Variants in MYO16 observed in about 807,000 individuals in gnomAD.
MYO16 encodes myosin XVI, also known as unconventional myosin-XVI.
Under a neutral mutation model 205.3 loss-of-function variants are expected in MYO16, and 94 were observed. The observed-to-expected ratio is 0.46, with a 90% CI of 0.39 to 0.54. MYO16 has a LOEUF of 0.54. MYO16 is among the 20% of genes least tolerant of loss of function. The probability of loss-of-function intolerance (pLI) is 0.00; values close to 1 mark genes in which losing one functional copy is unlikely to be tolerated. For missense variants in MYO16, 2,315 were observed against 2,387.5 expected, an observed-to-expected ratio of 0.97 and a Z score of 0.63; for synonymous variants, 988 against 954.0, an observed-to-expected ratio of 1.04 and a Z score of -0.66.
At chr13:108,825,780 A>C (rs1403230114) in intron 9 of MYO16, among the ~76,000 whole-genome samples, 1 of 151,978 alleles carries the variant, frequency 6.6e-6, no homozygotes, top group Non-Finnish European at 1.5e-5. Context: ...CTGTATTTCT[A>C]TACACAGCAA....
chr13:109,116,452 G>A (rs1262980713), intron 28 of MYO16, among the ~76,000 whole-genome samples: 1 of 152,010 alleles, frequency 6.6e-6, no homozygotes, highest in Non-Finnish European at 1.5e-5. Context: ...CTCCTTCCCA[G>A]CCATTATCCC....
chr13:108,522,357 CT>C, the MYO16 span, among the ~76,000 whole-genome samples: 1 of 152,090 alleles, frequency 6.6e-6, no homozygotes, highest in East Asian at 1.9e-4. Context: ...TAACATGTTC[CT>C]TTTTTTCCCA....
At chr13:108,997,870 AT>A (rs1462065659) in intron 21 of MYO16, among the ~76,000 whole-genome samples, 1 of 152,128 alleles carries the variant, frequency 6.6e-6, no homozygotes, top group Non-Finnish European at 1.5e-5. Context: ...GTGATACGTA[AT>A]TTATCTTCAA....
intron 4 of MYO16, among the ~76,000 whole-genome samples, chr13:108,747,593 ATGG>A (rs34029575): frequency 0.45 from 67,958 of 151,664 alleles, 15,335 homozygotes; most frequent in East Asian, 0.55. Context: ...AATTAAATCA[ATGG>A]TGGCAAAAGA....
the MYO16 span, among the ~76,000 whole-genome samples, chr13:108,569,727 T>G: frequency 6.6e-6 from 1 of 152,164 alleles, no homozygotes; most frequent in Non-Finnish European, 1.5e-5. Flanking sequence ...TGTTCTGATT[T>G]TAACGATAAT....
intron 2 of MYO16, among the ~76,000 whole-genome samples, chr13:108,677,367 A>G (rs565374881): frequency 6.8e-6 from 1 of 146,780 alleles, no homozygotes; most frequent in South Asian, 2.1e-4. Context: ...ATATATATAT[A>G]TATATGCATA....
intron 17 of MYO16, among the ~76,000 whole-genome samples, chr13:108,960,289 A>G (rs1004091138): frequency 1.3e-5 from 2 of 150,618 alleles, no homozygotes; most frequent in African/African-American, 4.9e-5. Context: ...AAAAAAAAAA[A>G]GGAAAAAAAA....
At chr13:109,066,083 A>G (rs548370452) in intron 27 of MYO16, among the ~76,000 whole-genome samples, 3 of 152,148 alleles carry the variant, frequency 2.0e-5, no homozygotes, top group Non-Finnish European at 2.9e-5. Context: ...GAAAAGCCTC[A>G]CTATGAAAGG....
chr13:108,646,519 G>A (rs1259188200), intron 1 of MYO16, among the ~76,000 whole-genome samples: 4 of 152,182 alleles, frequency 2.6e-5, no homozygotes, highest in Non-Finnish European at 5.9e-5. Flanking sequence ...TGTAGAATTT[G>A]TAAATTGGCA....
At chr13:108,521,367 T>C in the MYO16 span, among the ~76,000 whole-genome samples, 2 of 152,264 alleles carry the variant, frequency 1.3e-5, no homozygotes, top group African/African-American at 2.4e-5. Flanking sequence ...TAAGATTTTA[T>C]GGTTTATTAA....
intron 1 of MYO16, among the ~76,000 whole-genome samples, chr13:108,620,789 A>T (rs548775907): frequency 2.0e-5 from 3 of 152,068 alleles, no homozygotes; most frequent in Admixed American, 6.6e-5. Flanking sequence ...CTTCCCAAAC[A>T]CACTATCCTC....
At chr13:109,063,529 A>G (rs541469060) in intron 27 of MYO16, among the ~76,000 whole-genome samples, 2 of 152,294 alleles carry the variant, frequency 1.3e-5, no homozygotes, top group East Asian at 3.9e-4. Flanking sequence ...TAAGAAGGTA[A>G]TTAAAGTTGA....
chr13:109,117,254 A>T (rs1046114379), intron 28 of MYO16, among the ~76,000 whole-genome samples: 18 of 151,688 alleles, frequency 1.2e-4, no homozygotes, highest in African/African-American at 4.4e-4. Context: ...ACAATTCTTT[A>T]TCTTCTGTTC....
chr13:108,620,355 T>C (rs1202983539), intron 1 of MYO16, among the ~76,000 whole-genome samples: 1 of 152,174 alleles, frequency 6.6e-6, no homozygotes, highest in African/African-American at 2.4e-5. Context: ...ATTTATTTTT[T>C]GACTACCTGA....
chr13:108,564,606 T>C, the MYO16 span, among the ~76,000 whole-genome samples: 1 of 152,350 alleles, frequency 6.6e-6, no homozygotes. Context: ...GGGTTGTCTC[T>C]CCACTTTGCT....
the MYO16 span, among the ~76,000 whole-genome samples, chr13:108,521,169 T>A: frequency 6.6e-6 from 1 of 152,304 alleles, no homozygotes; most frequent in East Asian, 1.9e-4. Flanking sequence ...CTGGGGAGGC[T>A]GGAAATAAAC....
the MYO16 span, among the ~76,000 whole-genome samples, chr13:108,577,415 A>G: frequency 6.6e-6 from 1 of 152,154 alleles, no homozygotes. Flanking sequence ...CACATAATAG[A>G]AGCTCTCTCT....
chr13:109,190,890 A>C (rs1228815886), intron 34 of MYO16, among the ~76,000 whole-genome samples: 1 of 152,210 alleles, frequency 6.6e-6, no homozygotes, highest in Non-Finnish European at 1.5e-5. Flanking sequence ...ATATATATTT[A>C]GCATTTTGAG....
At chr13:108,829,740 AT>A (rs1566356162) in intron 9 of MYO16, among the ~76,000 whole-genome samples, 3 of 152,296 alleles carry the variant, frequency 2.0e-5, no homozygotes, top group Admixed American at 2.0e-4. Flanking sequence ...GGGAGGAGAA[AT>A]ACCCCATGGG....
Sources: allele counts gnomAD v4.1 joint callset (sites outside exome capture counted in the v4.1 genomes callset), GRCh38; gene constraint gnomAD v4.1.1; transcripts MANE v1.5; gene names NCBI Gene and HGNC (gene_info 2026-07-23, HGNC 2026-07-21).